AKAP9: variants seen among roughly 807,000 people sequenced by gnomAD.
AKAP9 encodes A-kinase anchor protein 9.
A neutral mutation model predicts 488.5 loss-of-function variants in AKAP9; 311 were observed. The ratio of observed to expected loss-of-function variants is 0.64; its 90% CI spans 0.58 to 0.70. The LOEUF is 0.70. Among genes scored for constraint, AKAP9 ranks in the 30% least tolerant of loss-of-function variants. The probability of loss-of-function intolerance (pLI) is 0.00; values close to 1 mark genes in which losing one functional copy is unlikely to be tolerated. For missense variants in AKAP9, 4,215 were observed against 4,374.5 expected (o/e 0.96, Z 1.03); for synonymous variants, 1,462 against 1,483.5 (o/e 0.99, Z 0.33).
intron 3 of AKAP9, among the ~76,000 whole-genome samples, chr7:91,987,389 A>G (rs1439427195): frequency 6.6e-6 from 1 of 152,086 alleles, no homozygotes; most frequent in Non-Finnish European, 1.5e-5. Context: ...ATTGCACTCC[A>G]GCCTGGGCAA....
At chr7:91,996,051 T>C in intron 7 of AKAP9, 1 of 410,506 alleles carries the variant, frequency 2.4e-6, no homozygotes, top group South Asian at 7.9e-5. Context: ...TTTATAGCTA[T>C]AGTTTTTTTT....
chr7:92,072,032 G>A (rs7800582), intron 28 of AKAP9, among the ~76,000 whole-genome samples: 60,904 of 151,870 alleles, frequency 0.4, 12,508 homozygotes, highest in African/African-American at 0.46. Flanking sequence ...GTGTTTCAAA[G>A]AGCTAACATT....
At chr7:91,956,069 A>C (rs760744867) in intron 1 of AKAP9, among the ~76,000 whole-genome samples, 13 of 152,160 alleles carry the variant, frequency 8.5e-5, no homozygotes, top group African/African-American at 2.4e-4. Context: ...TATTTTCACT[A>C]TTAACTTTAA....
chr7:92,080,637 A>G (rs186208269), intron 31 of AKAP9, among the ~76,000 whole-genome samples: 288 of 152,138 alleles, frequency 1.9e-3, no homozygotes, highest in African/African-American at 6.5e-3. Context: ...GACAAACTAA[A>G]TTTACGAGAG....
rs1443107136 is a variant in AKAP9 at position 91,995,801 on chromosome 7, G to A, written c.930+1G>A. On this transcript the variant is annotated splice_donor_variant, in intron 7 of 49. Transcript: ENST00000356239. LOFTEE classifies it high-confidence loss of function. ...AGAGAAAATTAAAGTATATGAAATG[G>A]TATGTTTATTTTAAGGAAGTCAGCT... 2.5e-6 allele frequency: 4 copies of A among 1,596,422 alleles called. No individual in the cohort carries two copies. Among genetic ancestry groups the A allele is most frequent in the Non-Finnish European group, 3.4e-6 (4 of 1,166,612 alleles).
chr7:91,947,181 T>C (rs911617387), intron 1 of AKAP9, among the ~76,000 whole-genome samples: 1 of 151,528 alleles, frequency 6.6e-6, no homozygotes, highest in Non-Finnish European at 1.5e-5. Context: ...TGTGCGTGTG[T>C]GTGTGTGTGT....
At chr7:91,954,847 A>G (rs572058481) in intron 1 of AKAP9, among the ~76,000 whole-genome samples, 157 of 152,326 alleles carry the variant, frequency 1.0e-3, no homozygotes, top group African/African-American at 3.7e-3. Flanking sequence ...TGATTCTACA[A>G]TACTGTGCCA....
At chr7:92,098,418 T>C (rs1816996914) in intron 43 of AKAP9, among the ~76,000 whole-genome samples, 1 of 152,228 alleles carries the variant, frequency 6.6e-6, no homozygotes, top group Admixed American at 6.5e-5. Flanking sequence ...GCTTTCATTA[T>C]TGTCATTGAA....
At position 92,002,465 on chromosome 7, in the gene AKAP9, T is replaced by C; in HGVS notation, c.2548T>C (p.Phe850Leu). The change falls in exon 8 of 50, where the codon TTT becomes CTT. Residue 850 changes from phenylalanine (F) to leucine (L), a missense_variant. Phe to Leu is a conservative substitution (Grantham distance 22, BLOSUM62 0). Coordinates refer to ENST00000356239, the MANE Select transcript of AKAP9 (RefSeq NM_005751.5). ...AGAGATTGAAAAGCAAAGGAACACT[T>C]TTTCATTTGCTGAAAAAAACTTTGA... is the stretch of plus-strand genomic sequence containing the variant. ...NEEIEKQRNT[F>L]SFAEKNFEVN... The C allele has an allele frequency of 6.2e-7, 1 of 1,610,734 alleles. No individual in the cohort carries two copies. Among genetic ancestry groups the C allele is most frequent in the Non-Finnish European group, 8.5e-7 (1 of 1,179,070 alleles).
At chr7:92,047,687 C>T (rs1807239464) in intron 21 of AKAP9, among the ~76,000 whole-genome samples, 1 of 152,160 alleles carries the variant, frequency 6.6e-6, no homozygotes, top group African/African-American at 2.4e-5. Context: ...CCTAAAACCA[C>T]TACGTATATT....
rs767504200 is a variant in AKAP9, at chr7:92,079,187, C to T, written c.7054C>T (p.Leu2352Phe). The T allele has an allele frequency of 3.7e-6, 6 of 1,613,802 alleles. No homozygotes were observed. Among genetic ancestry groups the T allele is most frequent in the African/African-American group, 1.3e-5 (1 of 74,890 alleles). Residue 2352 changes from leucine (L) to phenylalanine (F), a missense_variant, in exon 31 of 50, where the codon CTC becomes TTC. Around this residue, in one of 5 missense-constraint regions of AKAP9, gnomAD observed 1,476 missense variants for 1,477.4 expected, o/e 1.00. Transcript: ENST00000356239. ...KRNREEEIEQ[L>F]NEVIEKLQQE... ...AAATAGAGAAGAAGAAATAGAGCAGCTCAATGAAGTGATTGAAAAACTTCA... is the reference window on the plus strand; with the variant it reads ...AAATAGAGAAGAAGAAATAGAGCAGTTCAATGAAGTGATTGAAAAACTTCA...
chr7:92,082,548 T>A lies in AKAP9; in HGVS notation c.8046T>A (p.Asn2682Lys). The A allele has an allele frequency of 6.2e-7, 1 of 1,613,888 alleles. No individual in the cohort carries two copies. ...CAACTACTGAGCTATTTCATAGCAATGAAGAAAGTGGATTTTTTAATGAAC... is the reference window on the plus strand; with the variant it reads ...CAACTACTGAGCTATTTCATAGCAAAGAAGAAAGTGGATTTTTTAATGAAC... The part of the protein sequence containing the change: ...LKTTTELFHS[N>K]EESGFFNELE... The change falls in exon 32 of 50, where the codon AAT becomes AAA. Residue 2682 changes from asparagine (N) to lysine (K), a missense_variant. Around this residue, in one of 5 missense-constraint regions of AKAP9, gnomAD observed 1,476 missense variants for 1,477.4 expected, o/e 1.00. Coordinates refer to ENST00000356239, the MANE Select transcript of AKAP9 (RefSeq NM_005751.5).
chr7:92,052,859 A>G lies in AKAP9; in HGVS notation c.5502A>G (p.Glu1834=). 6.2e-7 allele frequency: 1 copy of G among 1,613,862 alleles called. No individual in the cohort carries two copies. The highest frequency in any genetic ancestry group is 8.5e-7 in the Non-Finnish European group (1 of 1,179,876). ...RLVRSGFAGT[E]IDPENEELML... ...TGAGGAGTGGTTTTGCTGGAACTGA[A>G]ATAGACCCTGAAAATGAAGAACTTA... The change falls in exon 22 of 50, where the codon GAA becomes GAG. Residue 1834 remains glutamate (E), a synonymous_variant. Coordinates refer to ENST00000356239, the MANE Select transcript of AKAP9 (RefSeq NM_005751.5).
chr7:92,102,730 G>A lies in AKAP9; in HGVS notation c.11234G>A (p.Gly3745Glu), dbSNP rs140853603. 5.9e-5 allele frequency: 95 copies of A among 1,614,206 alleles called. No individual in the cohort carries two copies. Among genetic ancestry groups the A allele is most frequent in the Non-Finnish European group, 7.6e-5 (90 of 1,180,028 alleles). ...TTGGCCCTGCTTGCCCGGATGGGGG[G>A]GCAGCCAGCTTTCACGGATCTAGAG... ...ATLALLARMG[G>E]QPAFTDLEVI... is the part of the protein sequence containing the mutation. Residue 3745 changes from glycine to glutamate, a missense_variant, in exon 46 of 50, where the codon GGG (glycine) becomes GAG (glutamate). Gly to Glu is a moderately conservative substitution (Grantham distance 98). Transcript: ENST00000356239.
chr7:91,989,591 G>A (rs1427669303), intron 3 of AKAP9, among the ~76,000 whole-genome samples: 3 of 151,502 alleles, frequency 2.0e-5, no homozygotes, highest in African/African-American at 4.9e-5. Context: ...ATAGTAATAG[G>A]GTATTCACTC....
At chr7:92,094,066 G>T (rs1816107227) in intron 39 of AKAP9, among the ~76,000 whole-genome samples, 1 of 151,708 alleles carries the variant, frequency 6.6e-6, no homozygotes, top group South Asian at 2.1e-4. Flanking sequence ...GACCATGCTG[G>T]TCTCGCACTC....
chr7:92,020,520 G>C (rs1802174001), intron 12 of AKAP9, among the ~76,000 whole-genome samples: 1 of 152,058 alleles, frequency 6.6e-6, no homozygotes, highest in Admixed American at 6.6e-5. Flanking sequence ...TTAAATACTT[G>C]ATTACCCTTC....
intron 12 of AKAP9, among the ~76,000 whole-genome samples, chr7:92,019,477 TGAG>T (rs1802015185): frequency 6.6e-6 from 1 of 151,876 alleles, no homozygotes; most frequent in South Asian, 2.1e-4. Flanking sequence ...TCCTTAGATC[TGAG>T]GACAGACTGG....
intron 8 of AKAP9, among the ~76,000 whole-genome samples, chr7:92,006,452 G>GA (rs1799875620): frequency 3.3e-5 from 5 of 152,154 alleles, no homozygotes; most frequent in Admixed American, 3.3e-4. Context: ...TCACCAGCCA[G>GA]AATTCTATTT....
Sources: gnomAD v4.1 joint callset for allele counts (sites outside exome capture counted in the v4.1 genomes callset) on GRCh38, gnomAD v4.1.1 for gene constraint, gnomAD v4.1.1 regional missense constraint, MANE v1.5 for transcripts, NCBI Gene and HGNC (gene_info 2026-07-23, HGNC 2026-07-21) for gene names.